CTSB: variants seen among roughly 807,000 people sequenced by gnomAD.
CTSB encodes the protein APP secretase.
Under a neutral mutation model 44.3 loss-of-function variants are expected in CTSB, and 57 were observed. That is an observed-to-expected ratio of 1.29 (90% CI 1.04 to 1.60). The LOEUF (loss-of-function observed/expected upper bound fraction) is 1.60. Ranked by LOEUF, CTSB falls within the 40% of genes most tolerant of loss-of-function variation. The probability of loss-of-function intolerance (pLI) is 0.00; values close to 1 mark genes in which losing one functional copy is unlikely to be tolerated. For missense variants in CTSB, 768 were observed against 443.0 expected (o/e 1.73, Z -6.59); for synonymous variants, 320 against 168.0 (o/e 1.91, Z -7.00).
chr8:11,847,740 G>T lies in CTSB; in HGVS notation c.615C>A (p.Pro205=). 1 of 1,600,782 alleles carries T rather than the reference G, an allele frequency of 6.2e-7. No individual in the cohort carries two copies. The highest frequency in any genetic ancestry group is 8.5e-7 in the Non-Finnish European group (1 of 1,175,620). ...RPPCTGEGDT[P]KCSKICEPGY... The stretch of plus-strand genomic sequence containing the variant: ...CAGGCTCACAGATCTTGCTACACTT[G>T]GGGGTATCTCCCTCCCCCGTGCATG... The change falls in exon 7 of 10, where the codon CCC becomes CCA. Residue 205 remains proline (P), a synonymous_variant. Transcript: ENST00000353047.
chr8:11,845,939 C>T, intron 8 of CTSB, 150 bp from the exon 9 acceptor site: 1 of 832,550 alleles, frequency 1.2e-6, no homozygotes, highest in African/African-American at 1.8e-5. Flanking sequence ...GGGGGGGTCC[C>T]ACAATACTGG....
At chr8:11,860,202 C>G (rs1415283083) in intron 1 of CTSB, among the ~76,000 whole-genome samples, 2 of 152,194 alleles carry the variant, frequency 1.3e-5, no homozygotes, top group Admixed American at 6.5e-5. Flanking sequence ...AGCCAAGTTG[C>G]TAGCTCCTGG....
rs775776786 is a variant in CTSB at position 11,850,879 on chromosome 8, CA to C, written c.313del (p.Cys105ValfsTer73). ...GCAGGGCCTTACCCAGCAGGAGCCA[CA>C]GGAGCCCTGGTCTCTGATCTCTTTG... Reference protein sequence around the residue: ...TIKEIRDQGSCGSCWAFGAVE... With the variant: ...TIKEIRDQGSXGSCWAFGAVE... On this transcript the variant is annotated frameshift_variant, in exon 4 of 10. Transcript: ENST00000353047. LOFTEE classifies it high-confidence loss of function. 3 of 1,612,848 alleles carry C rather than the reference CA, an allele frequency of 1.9e-6. No individual in the cohort carries two copies. The highest frequency in any genetic ancestry group is 2.5e-6 in the Non-Finnish European group (3 of 1,179,168).
chr8:11,845,527 T>G, intron 9 of CTSB, 134 bp downstream of exon 9: 1 of 1,114,780 alleles, frequency 9.0e-7, no homozygotes, highest in Non-Finnish European at 1.3e-6. Flanking sequence ...TGCCTGGCAC[T>G]TAGGAGGAGC....
rs779738653 is a variant in CTSB at position 11,847,082 on chromosome 8, CAG to C, written c.761_762del (p.Ser254CysfsTer49). The C allele has an allele frequency of 1.2e-5, 20 of 1,611,762 alleles. No homozygotes were observed. The highest frequency in any genetic ancestry group is 3.4e-6 in the Non-Finnish European group (4 of 1,178,110). On this transcript the variant is annotated frameshift_variant, in exon 8 of 10. Coordinates refer to ENST00000353047, the MANE Select transcript of CTSB (RefSeq NM_001908.5). LOFTEE classifies it high-confidence loss of function. ...YKNGPVEGAF[S>X]VYSDFLLYKS... Reference sequence around the variant, plus strand: ...TTGTAGAGCAGGAAGTCCGAATACACAGAGAAAGCTCCCTCCACGGGGCCGTT... The same window carrying C: ...TTGTAGAGCAGGAAGTCCGAATACACAGAAAGCTCCCTCCACGGGGCCGTT...
At chr8:11,845,849 C>G in intron 8 of CTSB, 60 bp from the exon 9 acceptor site, 2 of 1,511,958 alleles carry the variant, frequency 1.3e-6, no homozygotes, top group South Asian at 2.6e-5. Context: ...CCCCACAGCA[C>G]CCCCCACACT....
chr8:11,866,103 CTCCCT>C (rs956003831), intron 1 of CTSB, among the ~76,000 whole-genome samples: 2 of 151,918 alleles, frequency 1.3e-5, no homozygotes, highest in African/African-American at 2.4e-5. Context: ...GAAACGTGAC[CTCCCT>C]TCAATTCACT....
chr8:11,846,464 G>C (rs1342070733), intron 8 of CTSB: 1 of 152,534 alleles, frequency 6.6e-6, no homozygotes, highest in Non-Finnish European at 1.5e-5. Flanking sequence ...GATAGATGCA[G>C]TCAGCAAAGA....
rs1019321766 is a variant in CTSB at position 11,844,921 on chromosome 8, C to T, written c.*204G>A. ...GGGGAAGGACGCTCTGTGCTGGCAGCGGTGGCTCACATGGCCTGTCTGCAC... is the reference window on the plus strand; with the variant it reads ...GGGGAAGGACGCTCTGTGCTGGCAGTGGTGGCTCACATGGCCTGTCTGCAC... On this transcript the variant is annotated 3_prime_UTR_variant, in exon 10 of 10. Transcript: ENST00000353047. 18 of 578,576 alleles carry T rather than the reference C, an allele frequency of 3.1e-5. No individual in the cohort carries two copies. The highest frequency in any genetic ancestry group is 1.1e-4 in the African/African-American group (6 of 53,498). 35.8% of individuals were successfully genotyped at this position (578,576 alleles called of 1,614,324 possible). A position where few individuals can be genotyped will look rare whatever the true frequency, so the allele number is the denominator to read the frequency against.
At chr8:11,858,704 C>G (rs1185213448) in intron 1 of CTSB, among the ~76,000 whole-genome samples, 2 of 152,184 alleles carry the variant, frequency 1.3e-5, no homozygotes, top group African/African-American at 4.8e-5. Flanking sequence ...CACAGAGGTC[C>G]TGACAGCAGT....
chr8:11,850,799 C>T, intron 4 of CTSB, 67 bp downstream of exon 4: 1 of 1,188,552 alleles, frequency 8.4e-7, no homozygotes, highest in Non-Finnish European at 1.2e-6. Flanking sequence ...CCCCGAATCC[C>T]CCAAGACTCT....
chr8:11,846,654 G>C (rs1008883612), intron 8 of CTSB, among the ~76,000 whole-genome samples: 1 of 152,236 alleles, frequency 6.6e-6, no homozygotes, highest in African/African-American at 2.4e-5. Context: ...GTGTCAGCCA[G>C]TGCAAACACG....
intron 7 of CTSB, 45 bp from the exon 8 acceptor site, chr8:11,847,213 G>A (rs1410344755): frequency 4.9e-6 from 6 of 1,231,914 alleles, no homozygotes; most frequent in South Asian, 3.6e-5. Context: ...CAGTGACCGT[G>A]CCTCGTGGCA....
rs2740592 is a variant in CTSB, at chr8:11,843,744, A to T, written c.*1381T>A. 6.6e-6 allele frequency: 1 copy of T among 152,094 alleles called. No homozygotes were observed. The allele number at this position is 152,094 out of a possible 1,614,324, so 9.4% of individuals were successfully genotyped here. A position where few individuals can be genotyped will look rare whatever the true frequency, so the allele number is the denominator to read the frequency against. On this transcript the variant is annotated 3_prime_UTR_variant, in exon 10 of 10. Transcript: ENST00000353047. ...TTGCTGGATTTGTGGCTGATAAAAA[A>T]TACAGGCAGGGCCCAGTGGCTCACG...
At chr8:11,848,219 C>A in intron 5 of CTSB, 67 bp from the exon 6 acceptor site, 1 of 1,447,748 alleles carries the variant, frequency 6.9e-7, no homozygotes, top group Non-Finnish European at 9.7e-7. Context: ...CCACTGTGTG[C>A]TACCCAAGTG....
chr8:11,849,262 A>T, intron 4 of CTSB, 98 bp from the exon 5 acceptor site: 2 of 845,738 alleles, frequency 2.4e-6, no homozygotes, highest in East Asian at 2.6e-5. Flanking sequence ...CAGACCTTGT[A>T]GGCAACTGAT....
intron 3 of CTSB, among the ~76,000 whole-genome samples, chr8:11,851,659 A>T (rs554432989): frequency 1.3e-5 from 2 of 151,934 alleles, no homozygotes; most frequent in Non-Finnish European, 2.9e-5. Context: ...ATCATTTCTC[A>T]TATCATCCCC....
At chr8:11,863,231 C>T (rs1816675034) in intron 1 of CTSB, among the ~76,000 whole-genome samples, 1 of 152,164 alleles carries the variant, frequency 6.6e-6, no homozygotes, top group Non-Finnish European at 1.5e-5. Flanking sequence ...GAAGCCAAGA[C>T]AGGCAGATCA....
intron 8 of CTSB, among the ~76,000 whole-genome samples, 187 bp from the exon 9 acceptor site, chr8:11,845,976 A>AAC (rs1813248577): frequency 6.6e-6 from 1 of 152,244 alleles, no homozygotes; most frequent in South Asian, 2.1e-4. Context: ...TTGAAGGCCC[A>AAC]ACACACTCAA....
Sources: allele counts gnomAD v4.1 joint callset (sites outside exome capture counted in the v4.1 genomes callset), GRCh38; gene constraint gnomAD v4.1.1; transcripts MANE v1.5; gene names NCBI Gene and HGNC (gene_info 2026-07-23, HGNC 2026-07-21).